The following SHROOM2 variants were observed in gnomAD, a reference collection of about 807,000 sequenced individuals.
SHROOM2 encodes shroom family member 2, also known as protein Shroom2.
A neutral mutation model predicts 75.9 loss-of-function variants in SHROOM2; 33 were observed. The ratio of observed to expected loss-of-function variants is 0.43; its 90% confidence interval spans 0.33 to 0.58. SHROOM2 has a LOEUF of 0.58. SHROOM2 is among the 20% of genes least tolerant of loss of function. SHROOM2 has a pLI of 0.04. For synonymous variants in SHROOM2, 655 were observed against 663.6 expected (o/e 0.99, Z 0.20); for missense variants, 1,434 against 1,461.2 (o/e 0.98, Z 0.30).
chrX:9,879,981 C>G (rs2084222653), intron 2 of SHROOM2, among the ~76,000 whole-genome samples: 1 of 93,067 alleles, frequency 1.1e-5, no homozygotes, highest in Non-Finnish European at 2.3e-5. Flanking sequence ...ATTGAAAGCC[C>G]TGAGCTTTAG....
chrX:9,813,396 G>A (rs1197433668), intron 1 of SHROOM2, among the ~76,000 whole-genome samples: 4 of 111,545 alleles, frequency 3.6e-5, no homozygotes, highest in Non-Finnish European at 7.5e-5. Context: ...CCACAGTGAC[G>A]TTTTGGCTCC....
chrX:9,894,251 T>G, intron 3 of SHROOM2, 107 bp from the exon 4 acceptor site: 4 of 738,352 alleles, frequency 5.4e-6, no homozygotes, highest in Non-Finnish European at 7.9e-6. Context: ...AATTACTGTT[T>G]GGCATTTTGG....
intron 1 of SHROOM2, among the ~76,000 whole-genome samples, chrX:9,867,109 T>G (rs1386305936): frequency 8.9e-6 from 1 of 111,769 alleles, no homozygotes; most frequent in Non-Finnish European, 1.9e-5. Flanking sequence ...CAACGAAGTA[T>G]CAACAACTTT....
intron 2 of SHROOM2, among the ~76,000 whole-genome samples, chrX:9,882,294 A>G (rs748574021): frequency 7.7e-5 from 8 of 103,963 alleles, no homozygotes; most frequent in Non-Finnish European, 1.3e-4. Flanking sequence ...CCTTAGGGCT[A>G]TATAAAACGA....
intron 1 of SHROOM2, chrX:9,818,408 G>T: frequency 8.2e-6 from 2 of 243,324 alleles, no homozygotes; most frequent in Non-Finnish European, 1.7e-5. Context: ...ACTTTGACAC[G>T]AATCTCTTTG....
In SHROOM2 at chrX:9,807,545, C is replaced by G. The variant is rs765356566; in HGVS notation, c.165+20835C>G. The stretch of plus-strand genomic sequence containing the variant: ...CAGGCTTCCAGAGGCCTCATAGCAA[C>G]AGGCGTGTCACATAGCCTGTGCTGT... On this transcript the variant is annotated intron_variant, in intron 1 of 9. Transcript: ENST00000380913. Among the ~76,000 whole-genome samples, 13 of 112,003 alleles carry G rather than the reference C, an allele frequency of 1.2e-4. No homozygotes were observed. In the South Asian group the frequency reaches 2.2e-3, roughly 19 times the overall value.
chrX:9,939,474 C>T (rs771153436), intron 8 of SHROOM2, 108 bp downstream of exon 8: 12 of 679,595 alleles, frequency 1.8e-5, no homozygotes, highest in Middle Eastern at 3.7e-4. Context: ...TGTCCCAGGG[C>T]GTTTGTGTTC....
At chrX:9,922,555 C>T (rs1000818196) in intron 5 of SHROOM2, among the ~76,000 whole-genome samples, 15 of 109,800 alleles carry the variant, frequency 1.4e-4, no homozygotes, top group Admixed American at 7.8e-4. Context: ...CATTCAGGGT[C>T]GTGCCCCTGG....
At chrX:9,818,623 G>GA (rs1444370117) in intron 1 of SHROOM2, 7 of 327,572 alleles carry the variant, frequency 2.1e-5, no homozygotes, top group Admixed American at 4.0e-5. Context: ...AAAATCATAA[G>GA]AAATGGTGCC....
intron 1 of SHROOM2, among the ~76,000 whole-genome samples, chrX:9,857,223 A>T (rs1295223948): frequency 1.8e-5 from 2 of 111,881 alleles, no homozygotes; most frequent in Non-Finnish European, 3.8e-5. Flanking sequence ...GACACTGTGG[A>T]TTCTAACACA....
chrX:9,860,474 A>G (rs995792350), intron 1 of SHROOM2, among the ~76,000 whole-genome samples: 1 of 111,435 alleles, frequency 9.0e-6, no homozygotes, highest in African/African-American at 3.3e-5. Context: ...CCCAGGCTGC[A>G]GTGCAGTGGC....
intron 5 of SHROOM2, among the ~76,000 whole-genome samples, chrX:9,903,156 C>T (rs957387218): frequency 8.9e-6 from 1 of 111,938 alleles, no homozygotes; most frequent in Non-Finnish European, 1.9e-5. Flanking sequence ...AAACAAGCTC[C>T]TTCATGTAGA....
At chrX:9,826,800 GAAGAA>G (rs1293278091) in intron 1 of SHROOM2, among the ~76,000 whole-genome samples, 1 of 112,099 alleles carries the variant, frequency 8.9e-6, no homozygotes, top group Admixed American at 9.5e-5. Context: ...AGAAAAACAA[GAAGAA>G]AAGAAAAGAT....
chrX:9,792,240 G>A (rs1327202110), intron 1 of SHROOM2, among the ~76,000 whole-genome samples: 2 of 110,951 alleles, frequency 1.8e-5, no homozygotes, highest in East Asian at 5.7e-4. Flanking sequence ...TATTTGGGCT[G>A]TCCTGTAGTA....
chrX:9,863,160 G>A (rs2084113923), intron 1 of SHROOM2, among the ~76,000 whole-genome samples: 1 of 111,057 alleles, frequency 9.0e-6, no homozygotes. Flanking sequence ...GCTCTCACCT[G>A]CCCAGGGCAC....
Position 9,891,652 on chromosome X carries a change from A to G in SHROOM2, c.449+544A>G, listed in dbSNP as rs1284544463. On this transcript the variant is annotated intron_variant, in intron 3 of 9. Transcript: ENST00000380913. Reference sequence around the variant, plus strand: ...CCTGCTTGCGTGAGTGTGTGTGTGTATCTGTGTATGTTTACGGGTGTGAGT... The same window carrying G: ...CCTGCTTGCGTGAGTGTGTGTGTGTGTCTGTGTATGTTTACGGGTGTGAGT... Among the ~76,000 whole-genome samples the G allele has an allele frequency of 2.7e-5, 3 of 109,535 alleles. No homozygotes were observed. In the East Asian group the frequency reaches 8.7e-4, roughly 32 times the overall value.
chrX:9,868,049 C>T (rs1429344901), intron 1 of SHROOM2, among the ~76,000 whole-genome samples: 3 of 109,461 alleles, frequency 2.7e-5, no homozygotes, highest in African/African-American at 1.0e-4. Context: ...ACCCGGTCAC[C>T]ACTGAGTCAG....
chrX:9,891,206 T>A, intron 3 of SHROOM2, 98 bp downstream of exon 3: 1 of 983,030 alleles, frequency 1.0e-6, no homozygotes, highest in Admixed American at 3.5e-5. Context: ...CTGATGAGAC[T>A]GGGCCACCGA....
rs765863322 is a variant in SHROOM2, at chrX:9,898,284, C to T, written c.2885C>T (p.Thr962Met). The change falls in exon 5 of 10, where the codon ACG becomes ATG. Residue 962 changes from threonine to methionine, a missense_variant. Thr to Met is a moderately conservative substitution (Grantham distance 81). Transcript: ENST00000380913. ...GTCCGGGCCGAGGAGGGACAGTCCA[C>T]GCCGAGGTGGGTGAAATTTGGATTC... is the stretch of plus-strand genomic sequence containing the variant. ...SAVRAEEGQS[T>M]PRQADAQCRE... 56 of 1,161,096 alleles carry T rather than the reference C, an allele frequency of 4.8e-5. No homozygotes were observed. The highest frequency in any genetic ancestry group is 7.6e-5 in the South Asian group (4 of 52,326).
Sources: gnomAD v4.1 joint callset for allele counts (sites outside exome capture counted in the v4.1 genomes callset) on GRCh38, gnomAD v4.1.1 for gene constraint, MANE v1.5 for transcripts, NCBI Gene and HGNC (gene_info 2026-07-23, HGNC 2026-07-21) for gene names.